The following HS1BP3 variants were observed in gnomAD, a reference collection of about 807,000 sequenced individuals.
HS1BP3 encodes the protein HCLS1 binding protein 3, also known as HCLS1-binding protein 3.
A neutral mutation model predicts 33.5 loss-of-function variants in HS1BP3; 32 were observed. The observed-to-expected ratio is 0.95, with a 90% confidence interval of 0.72 to 1.28. The LOEUF is 1.28. HS1BP3 is among the 50% of genes most tolerant of loss of function. HS1BP3 has a pLI of 0.00. For synonymous variants in HS1BP3, 187 were observed against 209.2 expected, an observed-to-expected ratio of 0.89 and a Z score of 0.92; for missense variants, 486 against 502.3, an observed-to-expected ratio of 0.97 and a Z score of 0.31.
At chr2:20,620,253 C>T (rs1206741164) in intron 6 of HS1BP3, among the ~76,000 whole-genome samples, 3 of 152,234 alleles carry the variant, frequency 2.0e-5, no homozygotes, top group Admixed American at 1.3e-4. Context: ...CCCCGTTTTA[C>T]AGCTGAGAAT....
chr2:20,602,592 T>G (rs1694094162), intron 2 of HS1BP3, among the ~76,000 whole-genome samples: 1 of 152,188 alleles, frequency 6.6e-6, no homozygotes, highest in African/African-American at 2.4e-5. Context: ...TCCTTATGAT[T>G]GCTCATTTTG....
At chr2:20,591,928 T>C (rs542750325), downstream of HS1BP3, among the ~76,000 whole-genome samples, 2 of 152,210 alleles carry the variant, frequency 1.3e-5, no homozygotes, top group African/African-American at 4.8e-5. Flanking sequence ...GGGGAGGCTG[T>C]AAAATCTGAC....
rs931162731 is a variant in HS1BP3 at position 20,638,140 on chromosome 2, A to C, written c.623+296T>G. On this transcript the variant is annotated intron_variant, in intron 4 of 6. Transcript: ENST00000304031. ...GCCGGACAGGCCCGCAGCCTGCACT[A>C]CTGAGCTGTCACGGAGGACTCTACC... is the stretch of plus-strand genomic sequence containing the variant. 8.9e-6 allele frequency: 5 copies of C among 559,926 alleles called. No homozygotes were observed. In the Admixed American group the frequency reaches 1.7e-4, roughly 19 times the overall value. The allele number at this position is 559,926 out of a possible 1,614,324, so 34.7% of individuals were successfully genotyped here.
chr2:20,603,748 T>A (rs886591808), intron 2 of HS1BP3, among the ~76,000 whole-genome samples: 5 of 152,246 alleles, frequency 3.3e-5, no homozygotes, highest in African/African-American at 4.8e-5. Context: ...GAATTATATC[T>A]CAATGAAGCC....
intron 4 of HS1BP3, among the ~76,000 whole-genome samples, chr2:20,633,180 A>G (rs975681935): frequency 6.6e-6 from 1 of 152,172 alleles, no homozygotes; most frequent in Admixed American, 6.5e-5. Context: ...GCCCATCTTT[A>G]ACCCTGCTCT....
intron 1 of HS1BP3, among the ~76,000 whole-genome samples, chr2:20,648,516 C>T (rs1469620306): frequency 6.6e-6 from 1 of 152,144 alleles, no homozygotes. Flanking sequence ...CTGGAGCACC[C>T]CCTCACTCTT....
At position 20,584,476 on chromosome 2, in the gene HS1BP3, T is replaced by C. The variant is rs1049398984; in HGVS notation, c.303-23961A>G. Reference sequence around the variant, plus strand: ...AATGGGGGCCATTGTGCACCACTTCTGCCCCTGCACCACCATCCCCCGCCA... The same window carrying C: ...AATGGGGGCCATTGTGCACCACTTCCGCCCCTGCACCACCATCCCCCGCCA... On this transcript the variant is annotated intron_variant, in intron 5 of 5. Transcript: ENST00000446825. Among the ~76,000 whole-genome samples the C allele has an allele frequency of 3.9e-5, 6 of 152,212 alleles. No homozygotes were observed. In the South Asian group the frequency reaches 1.2e-3, roughly 32 times the overall value.
At chr2:20,610,905 A>C (rs1268514284) in intron 2 of HS1BP3, among the ~76,000 whole-genome samples, 1 of 152,228 alleles carries the variant, frequency 6.6e-6, no homozygotes, top group African/African-American at 2.4e-5. Context: ...ACAGCGTAGC[A>C]CACTTCCATC....
intron 3 of HS1BP3, among the ~76,000 whole-genome samples, chr2:20,595,802 C>A (rs1226644099): frequency 1.3e-5 from 2 of 152,342 alleles, no homozygotes; most frequent in African/African-American, 4.8e-5. Context: ...GTGATGGTCA[C>A]GTCCATCCAT....
rs534675220 is a variant in HS1BP3, at chr2:20,611,624, G to A, written c.178+12272C>T. On this transcript the variant is annotated intron_variant, in intron 2 of 3. Transcript: ENST00000415264. The surrounding 1 kb of genome is among the most constrained non-coding windows in gnomAD (Gnocchi z 4.9). ...TGTCAGAATGGCTCATTTCCAGTTCGTTCCATCTACCCTCCCTTTGGTAGA... is the reference window on the plus strand; with the variant it reads ...TGTCAGAATGGCTCATTTCCAGTTCATTCCATCTACCCTCCCTTTGGTAGA... 6.6e-5 allele frequency among the ~76,000 whole-genome samples: 10 copies of A among 152,230 alleles called. No individual in the cohort carries two copies. In the South Asian group the frequency reaches 1.0e-3, roughly 16 times the overall value.
chr2:20,597,534 A>G (rs754225679), intron 3 of HS1BP3, among the ~76,000 whole-genome samples: 8 of 151,978 alleles, frequency 5.3e-5, no homozygotes, highest in Non-Finnish European at 1.0e-4. Flanking sequence ...TGCTGTAGAA[A>G]CCTCAGCGAT....
chr2:20,634,964 G>A (rs1476984376), intron 4 of HS1BP3: 5 of 151,964 alleles, frequency 3.3e-5, no homozygotes, highest in Admixed American at 6.5e-5. Context: ...TCCCAAGGAC[G>A]CTGTGAGTCC....
intron 5 of HS1BP3, among the ~76,000 whole-genome samples, chr2:20,562,138 T>C (rs1693015269): frequency 6.6e-6 from 1 of 152,164 alleles, no homozygotes; most frequent in Admixed American, 6.5e-5. Context: ...CCTAGGCATC[T>C]CTTTCAACTC....
exon 3 of HS1BP3, chr2:20,598,258 G>T (rs892512131): frequency 4.7e-6 from 2 of 427,500 alleles, no homozygotes; most frequent in Admixed American, 2.4e-5. Context: ...GCAACTAGAT[G>T]GTCCCACCTT....
At position 20,599,651 on chromosome 2, in the gene HS1BP3, CTGT is replaced by C. The variant is rs1416018255; in HGVS notation, c.179-1389_179-1387del. ...ACACACACACACACACACACACACT[CTGT>C]TTTTTTTTTTTTAAAGATCTGACTT... is the stretch of plus-strand genomic sequence containing the variant. On this transcript the variant is annotated intron_variant, in intron 2 of 3. Transcript: ENST00000415264. Among the ~76,000 whole-genome samples the C allele has an allele frequency of 5.6e-5, 8 of 142,900 alleles. No homozygotes were observed. In the East Asian group the frequency reaches 1.4e-3, roughly 25 times the overall value. 93.7% of individuals were successfully genotyped at this position (142,900 alleles called of 152,430 possible).
At position 20,618,743 on chromosome 2, in the gene HS1BP3, G is replaced by T; in HGVS notation, c.*244C>A. On this transcript the variant is annotated 3_prime_UTR_variant, in exon 7 of 7. Coordinates refer to ENST00000304031, the MANE Select transcript of HS1BP3 (RefSeq NM_022460.4). Reference sequence around the variant, plus strand: ...ACCCTCCCTCCCCTTCATGTCCACGGGGAATAAGACACATTGGGCTCTGGC... The same window carrying T: ...ACCCTCCCTCCCCTTCATGTCCACGTGGAATAAGACACATTGGGCTCTGGC... The T allele has an allele frequency of 7.6e-7, 1 of 1,310,570 alleles. No individual in the cohort carries two copies. The highest frequency in any genetic ancestry group is 9.7e-7 in the Non-Finnish European group (1 of 1,031,896). The allele number at this position is 1,310,570 out of a possible 1,614,324, so 81.2% of individuals were successfully genotyped here. A position where few individuals can be genotyped will look rare whatever the true frequency, so the allele number is the denominator to read the frequency against.
chr2:20,555,651 C>T (rs187513148), downstream of HS1BP3, among the ~76,000 whole-genome samples: 1 of 151,856 alleles, frequency 6.6e-6, no homozygotes, highest in African/African-American at 2.4e-5. Context: ...TTGCTCCCCA[C>T]CCCCCTGCCT....
chr2:20,634,300 C>G (rs966595686), intron 4 of HS1BP3, among the ~76,000 whole-genome samples: 15 of 152,214 alleles, frequency 9.9e-5, no homozygotes, highest in African/African-American at 3.6e-4. Flanking sequence ...CAGGAGCTTG[C>G]GGAAGAACCA....
At chr2:20,613,247 C>T (rs994164074), downstream of HS1BP3, among the ~76,000 whole-genome samples, 2 of 152,202 alleles carry the variant, frequency 1.3e-5, no homozygotes, top group African/African-American at 4.8e-5. Context: ...ACGTCAAGGG[C>T]GATCTCAGCA....
Sources: gnomAD v4.1 joint callset for allele counts (sites outside exome capture counted in the v4.1 genomes callset) on GRCh38, gnomAD v4.1.1 for gene constraint, Gnocchi (gnomAD v3.1) non-coding constraint, MANE v1.5 for transcripts, NCBI Gene and HGNC (gene_info 2026-07-23, HGNC 2026-07-21) for gene names.